Variants in WARS2 observed in about 807,000 individuals in gnomAD.
The protein encoded by WARS2 is tryptophanyl tRNA synthetase 2, mitochondrial, also known as tryptophan--tRNA ligase, mitochondrial.
WARS2 carries 28 observed loss-of-function variants against 36.5 expected under a neutral mutation model. The observed-to-expected ratio is 0.77, with a 90% confidence interval of 0.57 to 1.05. The LOEUF (loss-of-function observed/expected upper bound fraction) is 1.05, where lower values mean the gene tolerates loss of function less well. Among genes scored for constraint, WARS2 ranks in the 50% least tolerant of loss-of-function variants. The probability of loss-of-function intolerance (pLI) is 0.00; values close to 1 mark genes in which losing one functional copy is unlikely to be tolerated. For synonymous variants in WARS2, 174 were observed against 178.4 expected, an observed-to-expected ratio of 0.98 and a Z score of 0.20; for missense variants, 435 against 456.8, an observed-to-expected ratio of 0.95 and a Z score of 0.44.
At chr1:119,057,441 G>A (rs1649920114) in intron 2 of WARS2, among the ~76,000 whole-genome samples, 1 of 151,726 alleles carries the variant, frequency 6.6e-6, no homozygotes, top group South Asian at 2.1e-4. Flanking sequence ...ACTGCGCCTG[G>A]CCCCATTTGT....
At chr1:119,122,359 G>A (rs978461302) in intron 1 of WARS2, among the ~76,000 whole-genome samples, 1 of 152,060 alleles carries the variant, frequency 6.6e-6, no homozygotes, top group Non-Finnish European at 1.5e-5. Flanking sequence ...CCTTACTCCT[G>A]CAAGAATGGC....
chr1:119,042,246 G>A lies in WARS2; in HGVS notation c.515+18C>T. 6.2e-7 allele frequency: 1 copy of A among 1,611,780 alleles called. No homozygotes were observed. Among genetic ancestry groups the A allele is most frequent in the Non-Finnish European group, 8.5e-7 (1 of 1,177,980 alleles). ...TCACCATGAGTATGTATAAGACTGG[G>A]CTGAACTCTCTTCTTACTTGTACAA... On this transcript the variant is annotated intron_variant, in intron 4 of 5. Coordinates refer to ENST00000235521, the MANE Select transcript of WARS2 (RefSeq NM_015836.4).
intron 1 of WARS2, among the ~76,000 whole-genome samples, chr1:119,115,315 T>C (rs12031585): frequency 0.24 from 37,113 of 152,028 alleles, 6,057 homozygotes; most frequent in East Asian, 0.52. Flanking sequence ...AAGTCTATGA[T>C]GGAAGCATCC....
intron 1 of WARS2, among the ~76,000 whole-genome samples, chr1:119,111,099 T>G (rs958829712): frequency 2.6e-5 from 4 of 152,210 alleles, no homozygotes; most frequent in Admixed American, 2.6e-4. Flanking sequence ...AAATTCCTGG[T>G]CTAATAATTC....
chr1:119,140,473 G>A (rs1656879789), intron 1 of WARS2, 82 bp downstream of exon 1: 2 of 1,299,538 alleles, frequency 1.5e-6, no homozygotes, highest in East Asian at 2.4e-5. Context: ...GAAGCGGGAG[G>A]AGAGAAATAA....
rs587745543 is a variant in WARS2 at position 119,073,912 on chromosome 1, T to C, written c.348+2438A>G. 7.9e-5 allele frequency among the ~76,000 whole-genome samples: 12 copies of C among 152,304 alleles called. No individual in the cohort carries two copies. In the South Asian group the frequency reaches 1.0e-3, roughly 13 times the overall value. On this transcript the variant is annotated intron_variant, in intron 2 of 5. Coordinates refer to ENST00000235521, the MANE Select transcript of WARS2 (RefSeq NM_015836.4). ...AGAGATTGAGCTCAAAGTGCAAGTA[T>C]AGGATGTAGTTGTAAATAAGCCTTT...
intron 2 of WARS2, among the ~76,000 whole-genome samples, chr1:119,048,141 T>C (rs762689593): frequency 3.3e-5 from 5 of 152,178 alleles, no homozygotes; most frequent in African/African-American, 4.8e-5. Context: ...GAAAGGTAAA[T>C]TGCAGTGGGC....
intron 1 of WARS2, among the ~76,000 whole-genome samples, chr1:119,127,706 C>T (rs759061154): frequency 3.9e-5 from 6 of 152,144 alleles, no homozygotes; most frequent in Non-Finnish European, 7.4e-5. Context: ...TTACCTAGAC[C>T]CACACCTACC....
At chr1:119,085,083 C>T (rs1652521707) in intron 1 of WARS2, 1 of 759,058 alleles carries the variant, frequency 1.3e-6, no homozygotes, top group African/African-American at 1.7e-5. Context: ...TTTATCTCAG[C>T]TCCTACCTCT....
intron 1 of WARS2, among the ~76,000 whole-genome samples, chr1:119,093,631 C>T (rs1443110834): frequency 6.6e-6 from 1 of 151,992 alleles, no homozygotes; most frequent in African/African-American, 2.4e-5. Flanking sequence ...TAGGAAGAGA[C>T]AAGGAAGGGT....
chr1:119,056,920 G>A lies in WARS2; in HGVS notation c.349-11258C>T, dbSNP rs150610013. Among the ~76,000 whole-genome samples the A allele has an allele frequency of 1.3e-3, 194 of 152,188 alleles. 2 individuals carry two copies. The Middle Eastern group carries it at 0.014, about 11-fold the overall frequency. On this transcript the variant is annotated intron_variant, in intron 2 of 5. Coordinates refer to ENST00000235521, the MANE Select transcript of WARS2 (RefSeq NM_015836.4). Reference sequence around the variant, plus strand: ...AGGAGTAGAATTGCTGGGTCACGTGGTAAGTATACGTTTAACTTTGACAAA... The same window carrying A: ...AGGAGTAGAATTGCTGGGTCACGTGATAAGTATACGTTTAACTTTGACAAA...
intron 2 of WARS2, among the ~76,000 whole-genome samples, chr1:119,046,897 A>C (rs1184308967): frequency 6.6e-6 from 1 of 152,104 alleles, no homozygotes; most frequent in Non-Finnish European, 1.5e-5. Flanking sequence ...AGTGGAGCTG[A>C]ATCAGCCCAG....
At chr1:119,067,325 T>C (rs1650959499) in intron 2 of WARS2, among the ~76,000 whole-genome samples, 2 of 152,298 alleles carry the variant, frequency 1.3e-5, no homozygotes, top group Non-Finnish European at 2.9e-5. Flanking sequence ...GCGTTACAAC[T>C]AAGCAGAAAA....
intron 1 of WARS2, 41 bp downstream of exon 1, chr1:119,140,514 C>G: frequency 1.3e-6 from 2 of 1,586,378 alleles, no homozygotes; most frequent in Non-Finnish European, 8.6e-7. Flanking sequence ...AAGAACCTCG[C>G]GGGATGGGAA....
At chr1:119,086,824 C>T (rs1652709096) in intron 1 of WARS2, among the ~76,000 whole-genome samples, 1 of 152,072 alleles carries the variant, frequency 6.6e-6, no homozygotes, top group South Asian at 2.1e-4. Context: ...ATGCCCTTCC[C>T]AGTCATTCTC....
In WARS2 at chr1:119,121,716, T is replaced by C. The variant is rs952382075; in HGVS notation, c.90+18839A>G. On this transcript the variant is annotated intron_variant, in intron 1 of 5. Transcript: ENST00000235521. Reference sequence around the variant, plus strand: ...AGGCACGTAGTACAATGGAAAGGAATAGAGAACCCAGAAATAAAGCTTAAT... The same window carrying C: ...AGGCACGTAGTACAATGGAAAGGAACAGAGAACCCAGAAATAAAGCTTAAT... 2.0e-5 allele frequency among the ~76,000 whole-genome samples: 3 copies of C among 152,186 alleles called. No individual in the cohort carries two copies. The East Asian group carries it at 5.8e-4, about 29-fold the overall frequency.
chr1:119,118,597 C>A (rs587756357), intron 1 of WARS2, among the ~76,000 whole-genome samples: 10 of 148,058 alleles, frequency 6.8e-5, no homozygotes, highest in African/African-American at 2.5e-4. Context: ...GGAAATTCAT[C>A]ACAAAAACAT....
At chr1:119,096,463 T>C (rs917569062) in intron 1 of WARS2, among the ~76,000 whole-genome samples, 1 of 152,180 alleles carries the variant, frequency 6.6e-6, no homozygotes, top group South Asian at 2.1e-4. Context: ...ATTTTATTTT[T>C]ATATATTTTA....
Position 119,042,280 on chromosome 1 carries a change from C to T in WARS2, c.499G>A (p.Asp167Asn), listed in dbSNP as rs779272688. The T allele has an allele frequency of 6.8e-6, 11 of 1,613,840 alleles. No individual in the cohort carries two copies. The highest frequency in any genetic ancestry group is 2.2e-5 in the East Asian group (1 of 44,858). The change falls in exon 4 of 6, where the codon GAC becomes AAC. Residue 167 changes from aspartate (D) to asparagine (N), a missense_variant. Physicochemically the swap from Asp to Asn is conservative, Grantham distance 23. Coordinates refer to ENST00000235521, the MANE Select transcript of WARS2 (RefSeq NM_015836.4). ...TCTTCTTACTTGTACAACAGAATGT[C>T]GGCTGCCTGGAGTACTGGGTATGTG... Reference protein sequence around the residue: ...LLTYPVLQAADILLYKSTHVP... With the variant: ...LLTYPVLQAANILLYKSTHVP...
Sources: gnomAD v4.1 joint callset for allele counts (sites outside exome capture counted in the v4.1 genomes callset) on GRCh38, gnomAD v4.1.1 for gene constraint, MANE v1.5 for transcripts, NCBI Gene and HGNC (gene_info 2026-07-23, HGNC 2026-07-21) for gene names.